CARD19: variants seen among roughly 807,000 people sequenced by gnomAD.
CARD19 encodes caspase recruitment domain-containing protein 19.
CARD19 carries 25 observed loss-of-function variants against 24.1 expected under a neutral mutation model. The observed-to-expected ratio is 1.04, with a 90% CI of 0.76 to 1.45. The LOEUF (loss-of-function observed/expected upper bound fraction) is 1.45, where lower values mean the gene tolerates loss of function less well. Among genes scored for constraint, CARD19 ranks in the 40% most tolerant of loss-of-function variants. CARD19 has a pLI of 0.00. For missense variants in CARD19, 241 were observed against 247.4 expected (o/e 0.97, Z 0.17); for synonymous variants, 103 against 104.9 (o/e 0.98, Z 0.11).
chr9:93,097,653 C>T (rs1193262214), intron 1 of CARD19, among the ~76,000 whole-genome samples: 1 of 151,980 alleles, frequency 6.6e-6, no homozygotes, highest in Non-Finnish European at 1.5e-5. Flanking sequence ...GGAGCCCTGT[C>T]CCAGGGACTG....
chr9:93,113,201 A>C lies in CARD19; in HGVS notation c.*94A>C. ...CTGCTGCTTCTTTTTCTAAATGCAT[A>C]TTTTTCATTATTTATAATTTGTGTA... On this transcript the variant is annotated 3_prime_UTR_variant, in exon 6 of 6. Coordinates refer to ENST00000375464, the MANE Select transcript of CARD19 (RefSeq NM_032310.5). 2 of 692,346 alleles carry C rather than the reference A, an allele frequency of 2.9e-6. No homozygotes were observed. Among genetic ancestry groups the C allele is most frequent in the Non-Finnish European group, 4.8e-6 (2 of 420,534 alleles). The allele number at this position is 692,346 out of a possible 1,614,324, so 42.9% of individuals were successfully genotyped here.
chr9:93,098,695 C>A (rs574940337), intron 1 of CARD19, among the ~76,000 whole-genome samples: 1 of 152,312 alleles, frequency 6.6e-6, no homozygotes, highest in East Asian at 1.9e-4. Flanking sequence ...AGCACAGGAC[C>A]CCCAAGCCGC....
At chr9:93,112,862 C>T (rs886501419) in intron 5 of CARD19, 130 bp from the exon 6 acceptor site, 44 of 616,950 alleles carry the variant, frequency 7.1e-5, no homozygotes, top group South Asian at 1.9e-4. Context: ...CAACTCAAGC[C>T]GAGACCATGA....
At chr9:93,112,850 T>C in intron 5 of CARD19, 142 bp from the exon 6 acceptor site, 1 of 594,936 alleles carries the variant, frequency 1.7e-6, no homozygotes, top group South Asian at 2.2e-5. Flanking sequence ...TTCTTGTCTT[T>C]TCAACTCAAG....
At chr9:93,103,372 C>G (rs1159571938) in intron 1 of CARD19, among the ~76,000 whole-genome samples, 1 of 152,138 alleles carries the variant, frequency 6.6e-6, no homozygotes, top group Non-Finnish European at 1.5e-5. Flanking sequence ...ATATTTGCAC[C>G]TATACACATC....
rs1467824243 is a variant in CARD19 at position 93,096,489 on chromosome 9, TG to T, written c.7+138del. 1.7e-5 allele frequency: 14 copies of T among 830,050 alleles called. No individual in the cohort carries two copies. The African/African-American group carries it at 2.5e-4, about 15-fold the overall frequency. The allele number at this position is 830,050 out of a possible 1,614,324, so 51.4% of individuals were successfully genotyped here. ...GGCCGAGTGACCTTGGCCCGTCAGC[TG>T]TCGGTGGTGCGCGAGTGCACCCCCG... On this transcript the variant is annotated intron_variant, in intron 1 of 5. Coordinates refer to ENST00000375464, the MANE Select transcript of CARD19 (RefSeq NM_032310.5). This position sits in a 1 kb window ranked among gnomAD's most constrained non-coding sequence, Gnocchi z 5.4.
At chr9:93,112,052 T>A (rs963496105) in intron 4 of CARD19, 114 bp downstream of exon 4, 6 of 1,435,448 alleles carry the variant, frequency 4.2e-6, no homozygotes, top group African/African-American at 1.5e-5. Context: ...CTGGCTCCAT[T>A]CCTGGCCTTC....
chr9:93,112,340 C>G, intron 5 of CARD19, 51 bp downstream of exon 5: 2 of 1,489,504 alleles, frequency 1.3e-6, no homozygotes, highest in Non-Finnish European at 1.8e-6. Flanking sequence ...CCTCTGCCAC[C>G]AAGCCAGGGC....
intron 3 of CARD19, 110 bp from the exon 4 acceptor site, chr9:93,111,769 C>T (rs567766288): frequency 1.1e-4 from 172 of 1,518,056 alleles, no homozygotes; most frequent in East Asian, 4.1e-4. Flanking sequence ...CAGCCTGGTT[C>T]GGCCTGGCGG....
intron 1 of CARD19, among the ~76,000 whole-genome samples, chr9:93,105,570 C>A (rs1419473623): frequency 1.3e-5 from 2 of 152,196 alleles, no homozygotes; most frequent in Non-Finnish European, 2.9e-5. Flanking sequence ...TGTGAGCCAC[C>A]ATGCCTGGCC....
At position 93,110,718 on chromosome 9, in the gene CARD19, C is replaced by G. The variant is rs1224474441; in HGVS notation, c.301C>G (p.Leu101Val). The G allele has an allele frequency of 2.5e-6, 4 of 1,610,304 alleles. No individual in the cohort carries two copies. The highest frequency in any genetic ancestry group is 2.2e-5 in the East Asian group (1 of 44,860). Residue 101 changes from leucine (L) to valine (V), a missense_variant, in exon 3 of 6, where the codon CTG (leucine) becomes GTG (valine). By Grantham distance (32) the Leu-to-Val change is conservative. Coordinates refer to ENST00000375464, the MANE Select transcript of CARD19 (RefSeq NM_032310.5). The stretch of plus-strand genomic sequence containing the variant: ...CAGCCGCCTGCCCAGCCGCCACGCT[C>G]TGCGTAAGTTCCACATCACCAACCA... ...LHSRLPSRHA[L>V]QNSDCTELDS...
At chr9:93,102,597 T>C (rs1034223628) in intron 1 of CARD19, among the ~76,000 whole-genome samples, 4 of 152,058 alleles carry the variant, frequency 2.6e-5, no homozygotes, top group African/African-American at 9.7e-5. Context: ...CATTATTGTA[T>C]ATTTTTACAC....
chr9:93,112,924 G>T, intron 5 of CARD19, 68 bp from the exon 6 acceptor site: 1 of 1,116,302 alleles, frequency 9.0e-7, no homozygotes, highest in Non-Finnish European at 1.3e-6. Context: ...CCCCGCAGGA[G>T]GGATGGAAAC....
chr9:93,110,802 TCCTC>T (rs1827446684), intron 3 of CARD19, 81 bp downstream of exon 3: 1 of 1,543,336 alleles, frequency 6.5e-7, no homozygotes, highest in Non-Finnish European at 8.7e-7. Context: ...GGCATGGATG[TCCTC>T]CATGACCACC....
At chr9:93,112,911 CA>C in intron 5 of CARD19, 80 bp from the exon 6 acceptor site, 1 of 957,590 alleles carries the variant, frequency 1.0e-6, no homozygotes, top group Non-Finnish European at 1.6e-6. Flanking sequence ...TGTTCCCACC[CA>C]CCCCCGCAGG....
intron 1 of CARD19, among the ~76,000 whole-genome samples, chr9:93,103,781 G>T (rs1384607892): frequency 6.6e-6 from 1 of 152,198 alleles, no homozygotes; most frequent in Non-Finnish European, 1.5e-5. Context: ...ATGGTGGAAG[G>T]CAGAAGGGCT....
chr9:93,107,221 C>G (rs756038953), intron 1 of CARD19, among the ~76,000 whole-genome samples: 9 of 152,176 alleles, frequency 5.9e-5, no homozygotes, highest in Non-Finnish European at 1.0e-4. Context: ...AAGTGATCCA[C>G]CCACCTCAGC....
At chr9:93,105,277 T>C (rs1382810827) in intron 1 of CARD19, among the ~76,000 whole-genome samples, 1 of 151,906 alleles carries the variant, frequency 6.6e-6, no homozygotes, top group Non-Finnish European at 1.5e-5. Flanking sequence ...TTTTGACCCA[T>C]TGGTTTTTTG....
At chr9:93,107,890 G>T in intron 2 of CARD19, 74 bp downstream of exon 2, 1 of 1,574,818 alleles carries the variant, frequency 6.3e-7, no homozygotes, top group South Asian at 1.1e-5. Flanking sequence ...AGAAGCTGGT[G>T]ACCAGCCCTG....
Sources: allele counts gnomAD v4.1 joint callset (sites outside exome capture counted in the v4.1 genomes callset), GRCh38; gene constraint gnomAD v4.1.1; non-coding constraint Gnocchi (gnomAD v3.1); transcripts MANE v1.5; gene names NCBI Gene and HGNC (gene_info 2026-07-23, HGNC 2026-07-21).